Variants in SPRR2G observed in about 807,000 individuals in gnomAD.
SPRR2G encodes small proline-rich protein 2G.
A neutral mutation model predicts 0.7 loss-of-function variants in SPRR2G; 1 was observed. The ratio of observed to expected loss-of-function variants is 1.49; its 90% CI spans 0.53 to 7.06. The LOEUF (loss-of-function observed/expected upper bound fraction) is 7.06, where lower values mean the gene tolerates loss of function less well. SPRR2G is among the 30% of genes most tolerant of loss of function. The pLI is 0.14. For synonymous variants in SPRR2G, 38 were observed against 33.9 expected (o/e 1.12, Z -0.42); for missense variants, 96 against 88.5 (o/e 1.09, Z -0.34).
chr1:153,199,759 G>A, the SPRR2G span, among the ~76,000 whole-genome samples: 1 of 151,930 alleles, frequency 6.6e-6, no homozygotes, highest in Non-Finnish European at 1.5e-5. Context: ...ATAAATAGAA[G>A]TAAGAAATCA....
the SPRR2G span, among the ~76,000 whole-genome samples, chr1:153,169,888 CTG>C: frequency 2.6e-5 from 4 of 152,212 alleles, no homozygotes; most frequent in Non-Finnish European, 4.4e-5. Flanking sequence ...TGGCTGGAGA[CTG>C]TGTTTCCAAG....
At chr1:153,158,819 A>G in the SPRR2G span, among the ~76,000 whole-genome samples, 1 of 152,196 alleles carries the variant, frequency 6.6e-6, no homozygotes, top group East Asian at 1.9e-4. Flanking sequence ...TGTCTTCTGC[A>G]TGCCCGCAGA....
the SPRR2G span, chr1:153,190,572 T>G: frequency 6.6e-6 from 1 of 152,280 alleles, no homozygotes; most frequent in Non-Finnish European, 1.5e-5. Context: ...TCTACCACAC[T>G]GCCTTCTGCT....
chr1:153,160,309 C>T, the SPRR2G span, among the ~76,000 whole-genome samples: 1 of 152,132 alleles, frequency 6.6e-6, no homozygotes, highest in Admixed American at 6.5e-5. Flanking sequence ...CATTCATCTG[C>T]TCATAGACAT....
the SPRR2G span, among the ~76,000 whole-genome samples, chr1:153,158,837 C>A: frequency 6.6e-6 from 1 of 152,210 alleles, no homozygotes; most frequent in African/African-American, 2.4e-5. Context: ...AGACCCAACA[C>A]CATATGGAAG....
upstream of SPRR2G, among the ~76,000 whole-genome samples, chr1:153,155,218 TA>T (rs1170842961): frequency 1.3e-5 from 2 of 152,110 alleles, no homozygotes; most frequent in Admixed American, 6.6e-5. Context: ...ACTTCAAACT[TA>T]AATATCCCCT....
At chr1:153,166,560 A>G in the SPRR2G span, among the ~76,000 whole-genome samples, 1 of 152,240 alleles carries the variant, frequency 6.6e-6, no homozygotes, top group East Asian at 1.9e-4. Context: ...CTAAGCTCTG[A>G]TGCTGCACCC....
chr1:153,200,831 C>T, the SPRR2G span, among the ~76,000 whole-genome samples: 1 of 151,956 alleles, frequency 6.6e-6, no homozygotes, highest in Non-Finnish European at 1.5e-5. Flanking sequence ...TCCCGAGTAG[C>T]TGGGATTTCA....
chr1:153,189,416 A>T, the SPRR2G span, among the ~76,000 whole-genome samples: 1 of 151,888 alleles, frequency 6.6e-6, no homozygotes, highest in Non-Finnish European at 1.5e-5. Flanking sequence ...ATTATTGTTC[A>T]TTTTACCAAA....
At chr1:153,193,560 G>A in the SPRR2G span, among the ~76,000 whole-genome samples, 97 of 152,298 alleles carry the variant, frequency 6.4e-4, no homozygotes, top group African/African-American at 2.3e-3. Flanking sequence ...ATCCTAAAGA[G>A]CAGAGCTAGA....
In SPRR2G at chr1:153,149,846, A is replaced by G. The variant is rs763509933; in HGVS notation, c.*43T>C. 1 of 1,609,786 alleles carries G rather than the reference A, an allele frequency of 6.2e-7. No individual in the cohort carries two copies. Among genetic ancestry groups the G allele is most frequent in the Non-Finnish European group, 8.5e-7 (1 of 1,176,320 alleles). ...TGGAGTCCTGGGAGTAAGAAGAGCC[A>G]CTGGATCTTGTTGTTTCATGGTCCT... On this transcript the variant is annotated 3_prime_UTR_variant, in exon 2 of 2. Coordinates refer to ENST00000368748, the MANE Select transcript of SPRR2G (RefSeq NM_001014291.4).
chr1:153,162,597 A>G, the SPRR2G span, among the ~76,000 whole-genome samples: 1 of 150,294 alleles, frequency 6.7e-6, no homozygotes, highest in East Asian at 2.0e-4. Flanking sequence ...CAGGCCCAAG[A>G]CCCTGGCCTT....
chr1:153,184,900 T>C, the SPRR2G span, among the ~76,000 whole-genome samples: 2 of 152,140 alleles, frequency 1.3e-5, no homozygotes, highest in Non-Finnish European at 2.9e-5. Context: ...GTTTATTGAG[T>C]GTTTTTATCG....
chr1:153,167,287 C>T, the SPRR2G span, among the ~76,000 whole-genome samples: 1 of 151,894 alleles, frequency 6.6e-6, no homozygotes, highest in Non-Finnish European at 1.5e-5. Context: ...CCAGCCTGAC[C>T]AACATGGAGA....
chr1:153,164,651 C>A, the SPRR2G span, among the ~76,000 whole-genome samples: 1 of 152,168 alleles, frequency 6.6e-6, no homozygotes, highest in Admixed American at 6.5e-5. Context: ...TAATTTAAAT[C>A]ATCTTTAGAT....
At chr1:153,179,058 C>A in the SPRR2G span, among the ~76,000 whole-genome samples, 1 of 152,160 alleles carries the variant, frequency 6.6e-6, no homozygotes, top group African/African-American at 2.4e-5. Flanking sequence ...ATTGCAAAGG[C>A]AGCTAGGCAA....
At chr1:153,180,047 G>A in the SPRR2G span, among the ~76,000 whole-genome samples, 7 of 152,086 alleles carry the variant, frequency 4.6e-5, no homozygotes, top group Non-Finnish European at 7.4e-5. Flanking sequence ...CTAAGTTGCA[G>A]GAATATTGGC....
the SPRR2G span, chr1:153,176,151 C>T: frequency 1.3e-5 from 2 of 152,116 alleles, no homozygotes; most frequent in Non-Finnish European, 2.9e-5. Context: ...GGAGGTGAGA[C>T]CTGATACTGC....
At chr1:153,194,388 T>G in the SPRR2G span, among the ~76,000 whole-genome samples, 3 of 152,328 alleles carry the variant, frequency 2.0e-5, no homozygotes, top group South Asian at 6.2e-4. Context: ...AAAAGATTAG[T>G]TGGCACTTCA....
Sources: allele counts gnomAD v4.1 joint callset (sites outside exome capture counted in the v4.1 genomes callset), GRCh38; gene constraint gnomAD v4.1.1; transcripts MANE v1.5; gene names NCBI Gene and HGNC (gene_info 2026-07-23, HGNC 2026-07-21).